IGFL2: variants seen among roughly 807,000 people sequenced by gnomAD.
The protein encoded by IGFL2 is insulin growth factor-like family member 2.
In IGFL2, 7 loss-of-function variants were observed where a neutral mutation model predicts 13.9. The ratio of observed to expected loss-of-function variants is 0.51; its 90% CI spans 0.29 to 0.95. The LOEUF is 0.95. Ranked by LOEUF, IGFL2 falls within the 40% of genes least tolerant of loss-of-function variation. The pLI is 0.08. For synonymous variants in IGFL2, 55 were observed against 55.8 expected, an observed-to-expected ratio of 0.99 and a Z score of 0.07; for missense variants, 138 against 147.8, an observed-to-expected ratio of 0.93 and a Z score of 0.34.
At chr19:46,190,801 C>G in the IGFL2 span, among the ~76,000 whole-genome samples, 8 of 152,306 alleles carry the variant, frequency 5.3e-5, no homozygotes, top group East Asian at 1.5e-3. Flanking sequence ...TTAGGGTATT[C>G]TGCAAAATCA....
At chr19:46,200,315 A>G in the IGFL2 span, among the ~76,000 whole-genome samples, 2 of 151,886 alleles carry the variant, frequency 1.3e-5, no homozygotes, top group African/African-American at 4.8e-5. Context: ...CTACAGGCCC[A>G]TGACATTATG....
At chr19:46,194,287 C>G in the IGFL2 span, among the ~76,000 whole-genome samples, 1 of 152,150 alleles carries the variant, frequency 6.6e-6, no homozygotes, top group Non-Finnish European at 1.5e-5. Flanking sequence ...ACTCCACGGT[C>G]TGCAAGGGCC....
the IGFL2 span, among the ~76,000 whole-genome samples, chr19:46,128,674 C>T: frequency 2.0e-4 from 30 of 152,302 alleles, no homozygotes; most frequent in Non-Finnish European, 3.4e-4. Flanking sequence ...TTGAACCAAC[C>T]TTGCATCCCA....
chr19:46,136,481 C>T, the IGFL2 span, among the ~76,000 whole-genome samples: 3 of 151,998 alleles, frequency 2.0e-5, no homozygotes, highest in Admixed American at 2.0e-4. Flanking sequence ...GGGAAAAAAT[C>T]ACATGATATT....
chr19:46,132,643 A>G, the IGFL2 span, among the ~76,000 whole-genome samples: 1 of 147,686 alleles, frequency 6.8e-6, no homozygotes, highest in East Asian at 2.2e-4. Flanking sequence ...AAGGAGAGGA[A>G]GAGGGAGGGA....
the IGFL2 span, among the ~76,000 whole-genome samples, chr19:46,108,839 T>C: frequency 5.3e-5 from 8 of 151,952 alleles, no homozygotes; most frequent in Non-Finnish European, 1.0e-4. Flanking sequence ...GTCTCTTCTG[T>C]CTCTACCAGA....
upstream of IGFL2, among the ~76,000 whole-genome samples, chr19:46,146,184 C>G (rs962580989): frequency 1.3e-5 from 2 of 151,460 alleles, no homozygotes; most frequent in Non-Finnish European, 2.9e-5. Context: ...TGCCCATTGT[C>G]TCACACCATT....
chr19:46,099,769 A>G, the IGFL2 span, among the ~76,000 whole-genome samples: 1 of 151,690 alleles, frequency 6.6e-6, no homozygotes, highest in African/African-American at 2.4e-5. Flanking sequence ...CTCGTGATCC[A>G]CCTGCCTCAG....
the IGFL2 span, among the ~76,000 whole-genome samples, chr19:46,131,531 C>T: frequency 6.6e-6 from 1 of 152,202 alleles, no homozygotes; most frequent in Admixed American, 6.5e-5. Context: ...CTTTCTGTCT[C>T]AGAGGTTTAT....
At chr19:46,177,101 TAA>T in the IGFL2 span, among the ~76,000 whole-genome samples, 2 of 145,488 alleles carry the variant, frequency 1.4e-5, no homozygotes, top group African/African-American at 2.5e-5. Context: ...TGTCCTCTAC[TAA>T]AAAAAAAAAA....
the IGFL2 span, among the ~76,000 whole-genome samples, chr19:46,128,389 G>A: frequency 4.6e-5 from 7 of 152,124 alleles, no homozygotes; most frequent in African/African-American, 1.7e-4. Flanking sequence ...TGTTGAATAG[G>A]AGCAGTGAAA....
the IGFL2 span, chr19:46,113,417 C>A: frequency 2.5e-6 from 1 of 402,310 alleles, no homozygotes. Context: ...TGGAAACTTC[C>A]ATTTTGACTG....
At chr19:46,155,767 G>A (rs1418540098) in intron 1 of IGFL2, among the ~76,000 whole-genome samples, 1 of 152,132 alleles carries the variant, frequency 6.6e-6, no homozygotes, top group Non-Finnish European at 1.5e-5. Flanking sequence ...GAGTTGTAGT[G>A]GTACAATTGT....
chr19:46,208,566 C>G, the IGFL2 span: 2 of 152,196 alleles, frequency 1.3e-5, no homozygotes, highest in Non-Finnish European at 2.9e-5. Flanking sequence ...TTGGCTCTGT[C>G]TTGCCACACA....
the IGFL2 span, among the ~76,000 whole-genome samples, chr19:46,107,427 C>T: frequency 1.3e-5 from 2 of 152,188 alleles, no homozygotes; most frequent in African/African-American, 4.8e-5. Context: ...CCAGTGGGGT[C>T]CGCACAGATG....
At chr19:46,101,385 G>A in the IGFL2 span, among the ~76,000 whole-genome samples, 84 of 152,344 alleles carry the variant, frequency 5.5e-4, no homozygotes, top group African/African-American at 2.0e-3. Flanking sequence ...CTCAGGCTCA[G>A]GGAGATCAGA....
chr19:46,175,116 A>G, the IGFL2 span, among the ~76,000 whole-genome samples: 4 of 152,344 alleles, frequency 2.6e-5, no homozygotes, highest in Admixed American at 6.5e-5. Context: ...GAGAAGTAAT[A>G]TATTAATACA....
chr19:46,084,172 G>A, the IGFL2 span, among the ~76,000 whole-genome samples: 2,049 of 152,266 alleles, frequency 0.013, 32 homozygotes, highest in Middle Eastern at 0.027. Flanking sequence ...TATGATTTCA[G>A]TCTTCTTAAA....
the IGFL2 span, among the ~76,000 whole-genome samples, chr19:46,135,445 A>G: frequency 6.6e-6 from 1 of 152,186 alleles, no homozygotes; most frequent in African/African-American, 2.4e-5. Context: ...CCCGAGAGCC[A>G]GAACCCCTGC....
Sources: allele counts gnomAD v4.1 joint callset (sites outside exome capture counted in the v4.1 genomes callset), GRCh38; gene constraint gnomAD v4.1.1; transcripts MANE v1.5; gene names NCBI Gene and HGNC (gene_info 2026-07-23, HGNC 2026-07-21).